Variants in CLSTN1 observed in about 807,000 individuals in gnomAD.
CLSTN1 encodes calsyntenin-1.
CLSTN1 carries 28 observed loss-of-function variants against 108.3 expected under a neutral mutation model. That is an observed-to-expected ratio of 0.26 (90% CI 0.19 to 0.35). CLSTN1 has a LOEUF of 0.35. Among genes scored for constraint, CLSTN1 ranks in the 10% least tolerant of loss-of-function variants. The pLI is 1.00. For synonymous variants in CLSTN1, 524 were observed against 534.9 expected, an observed-to-expected ratio of 0.98 and a Z score of 0.28; for missense variants, 1,157 against 1,302.6, an observed-to-expected ratio of 0.89 and a Z score of 1.72.
intron 5 of CLSTN1, among the ~76,000 whole-genome samples, chr1:9,750,825 C>A (rs756241626): frequency 2.0e-5 from 3 of 151,378 alleles, no homozygotes; most frequent in Non-Finnish European, 2.9e-5. Flanking sequence ...CCAAGGTGGG[C>A]GGATCACCTG....
rs149143283 is a variant in CLSTN1 at position 9,748,546 on chromosome 1, G to A, written c.985+915C>T. Among the ~76,000 whole-genome samples the A allele has an allele frequency of 4.8e-3, 738 of 152,240 alleles. 3 individuals are homozygous for A. Among genetic ancestry groups the A allele is most frequent in the African/African-American group, 0.016 (657 of 41,532 alleles). On this transcript the variant is annotated intron_variant, in intron 7 of 18. Coordinates refer to ENST00000377298, the MANE Select transcript of CLSTN1 (RefSeq NM_001009566.3). ...TCTGTCATCCAGGCTGGAATGCAGC[G>A]GCGTGATCTTGGCTCACTGCAACGT...
chr1:9,781,208 G>A (rs1653227437), intron 1 of CLSTN1: 2 of 771,772 alleles, frequency 2.6e-6, no homozygotes, highest in Admixed American at 4.2e-5. Context: ...GGCTACTGAA[G>A]CACTAAAGGC....
chr1:9,798,688 G>C (rs1289974665), intron 1 of CLSTN1, among the ~76,000 whole-genome samples: 1 of 152,196 alleles, frequency 6.6e-6, no homozygotes, highest in Non-Finnish European at 1.5e-5. Context: ...GCACAATGCT[G>C]AATGTACTAA....
chr1:9,781,855 A>C (rs1446805601), intron 1 of CLSTN1, among the ~76,000 whole-genome samples: 1 of 152,188 alleles, frequency 6.6e-6, no homozygotes, highest in Non-Finnish European at 1.5e-5. Flanking sequence ...TCAGATGTGC[A>C]CATCTGCTGT....
rs546719112 is a variant in CLSTN1 at position 9,755,902 on chromosome 1, G to A, written c.244+579C>T. 7.9e-5 allele frequency among the ~76,000 whole-genome samples: 12 copies of A among 152,180 alleles called. No individual in the cohort carries two copies. In the South Asian group the frequency reaches 8.3e-4, roughly 11 times the overall value. On this transcript the variant is annotated intron_variant, in intron 3 of 18. Transcript: ENST00000377298. ...ATGAGAAAGGTAGAAATACCGACTC[G>A]TCAGGCATCCATTTCAACAGCTATT...
chr1:9,821,559 T>C (rs912395443), intron 1 of CLSTN1, among the ~76,000 whole-genome samples: 1 of 152,230 alleles, frequency 6.6e-6, no homozygotes, highest in African/African-American at 2.4e-5. Flanking sequence ...CTGTACGTAA[T>C]CTAACATTAA....
intron 1 of CLSTN1, among the ~76,000 whole-genome samples, chr1:9,811,468 G>A (rs562866366): frequency 6.6e-6 from 1 of 152,160 alleles, no homozygotes; most frequent in African/African-American, 2.4e-5. Context: ...TTTACAGACA[G>A]CTCAGAAGCA....
At chr1:9,788,538 A>G (rs1020906369) in intron 1 of CLSTN1, among the ~76,000 whole-genome samples, 3 of 150,796 alleles carry the variant, frequency 2.0e-5, no homozygotes, top group Non-Finnish European at 4.4e-5. Context: ...ACTGTACTCC[A>G]GCCTGGGTGA....
intron 1 of CLSTN1, among the ~76,000 whole-genome samples, chr1:9,807,761 G>A (rs964371175): frequency 1.3e-5 from 2 of 152,214 alleles, no homozygotes; most frequent in Non-Finnish European, 2.9e-5. Flanking sequence ...CTTGGAGGCC[G>A]TGCCTCTGCC....
At chr1:9,739,484 A>AT (rs1557692496) in intron 10 of CLSTN1, among the ~76,000 whole-genome samples, 1 of 152,204 alleles carries the variant, frequency 6.6e-6, no homozygotes, top group African/African-American at 2.4e-5. Flanking sequence ...TTGTAGATTA[A>AT]TAAGAAGGGA....
At chr1:9,774,898 G>C (rs372012775) in intron 1 of CLSTN1, among the ~76,000 whole-genome samples, 1 of 152,084 alleles carries the variant, frequency 6.6e-6, no homozygotes, top group African/African-American at 2.4e-5. Context: ...GAGTTTTCCC[G>C]GAAAGATATG....
chr1:9,776,974 T>C lies in CLSTN1; in HGVS notation c.92-3580A>G, dbSNP rs140589302. On this transcript the variant is annotated intron_variant, in intron 1 of 18. Transcript: ENST00000377298. ...GTCTCATGCCTGTAATCCCAGCGTG[T>C]TGGGAGGCTGGCCACACAGATCACT... Among the ~76,000 whole-genome samples the C allele has an allele frequency of 4.2e-3, 635 of 151,996 alleles. 11 individuals carry two copies. The East Asian group carries it at 0.043, about 10-fold the overall frequency.
chr1:9,769,957 G>A (rs1011786872), intron 2 of CLSTN1, among the ~76,000 whole-genome samples: 22 of 151,762 alleles, frequency 1.4e-4, no homozygotes, highest in African/African-American at 5.3e-4. Context: ...GTGAACCCGG[G>A]AGGCAGAGCT....
At chr1:9,774,911 A>C (rs1481708343) in intron 1 of CLSTN1, among the ~76,000 whole-genome samples, 1 of 152,140 alleles carries the variant, frequency 6.6e-6, no homozygotes, top group Non-Finnish European at 1.5e-5. Flanking sequence ...AAGATATGGG[A>C]AATTCCCGGA....
At chr1:9,743,771 TG>T in intron 9 of CLSTN1, 112 bp downstream of exon 9, 1 of 1,170,268 alleles carries the variant, frequency 8.5e-7, no homozygotes, top group Non-Finnish European at 1.2e-6. Flanking sequence ...TTGCCCAGGC[TG>T]GTCTCGAACC....
At chr1:9,759,912 C>T (rs910988347) in intron 2 of CLSTN1, among the ~76,000 whole-genome samples, 4 of 152,180 alleles carry the variant, frequency 2.6e-5, no homozygotes, top group Non-Finnish European at 5.9e-5. Flanking sequence ...ATTTAGGTTG[C>T]CCAGCTTTAA....
chr1:9,737,601 G>A, intron 10 of CLSTN1, 47 bp from the exon 11 acceptor site: 1 of 1,569,354 alleles, frequency 6.4e-7, no homozygotes, highest in Non-Finnish European at 8.8e-7. Context: ...TGAGAGGTTA[G>A]GGTCTTCAAA....
intron 10 of CLSTN1, among the ~76,000 whole-genome samples, chr1:9,740,609 C>G (rs963341884): frequency 2.6e-5 from 4 of 152,140 alleles, no homozygotes; most frequent in Non-Finnish European, 1.5e-5. Context: ...GAATCCTCCC[C>G]ACACGTGGCC....
At position 9,796,569 on chromosome 1, in the gene CLSTN1, A is replaced by G. The variant is rs371796434; in HGVS notation, c.92-23175T>C. On this transcript the variant is annotated intron_variant, in intron 1 of 18. Transcript: ENST00000377298. ...CGTGGTGGCAGGCGCCTGTAGTCCC[A>G]GCAACTCAGGAGGCTGAGGCAGGAG... is the stretch of plus-strand genomic sequence containing the variant. Among the ~76,000 whole-genome samples the G allele has an allele frequency of 7.9e-3, 1,187 of 150,716 alleles. 66 individuals carry two copies. The highest frequency in any genetic ancestry group is 0.048 in the East Asian group (239 of 4,960).
Sources: gnomAD v4.1 joint callset for allele counts (sites outside exome capture counted in the v4.1 genomes callset) on GRCh38, gnomAD v4.1.1 for gene constraint, MANE v1.5 for transcripts, NCBI Gene and HGNC (gene_info 2026-07-23, HGNC 2026-07-21) for gene names.